Variants in H6PD observed in about 807,000 individuals in gnomAD.
H6PD encodes the protein GDH/6PGL endoplasmic bifunctional protein.
In H6PD, 48 loss-of-function variants were observed where a neutral mutation model predicts 61.2. The observed-to-expected ratio is 0.78, with a 90% CI of 0.62 to 1.00. H6PD has a LOEUF of 1.00. Among genes scored for constraint, H6PD ranks in the 50% least tolerant of loss-of-function variants. The pLI, the probability that H6PD is intolerant of heterozygous loss-of-function variation, is 0.00. For synonymous variants in H6PD, 480 were observed against 457.9 expected (o/e 1.05, Z -0.62); for missense variants, 1,093 against 1,065.0 (o/e 1.03, Z -0.37).
Position 9,264,513 on chromosome 1 carries a change from G to A in H6PD, c.2020G>A (p.Ala674Thr), listed in dbSNP as rs1384664557. ...GGAGGACCAGGGCGCCCAGATCTAT[G>A]CCAGGGAGATCTCAGCCCTGGTGGC... is the stretch of plus-strand genomic sequence containing the variant. ...AEEDQGAQIY[A>T]REISALVANS... Residue 674 changes from alanine to threonine, a missense_variant, in exon 5 of 5, where the codon GCC (alanine) becomes ACC (threonine). Transcript: ENST00000377403. 1.2e-5 allele frequency: 20 copies of A among 1,613,076 alleles called. No individual in the cohort carries two copies. The highest frequency in any genetic ancestry group is 2.2e-5 in the South Asian group (2 of 91,074).
rs200691050 is a variant in H6PD at position 9,264,101 on chromosome 1, G to A, written c.1608G>A (p.Pro536=). 259 of 1,613,862 alleles carry A rather than the reference G, an allele frequency of 1.6e-4. No individual in the cohort carries two copies. The Middle Eastern group carries it at 1.7e-3, about 10-fold the overall frequency. The change falls in exon 5 of 5, where the codon CCG becomes CCA. Residue 536 remains proline, a synonymous_variant. Coordinates refer to ENST00000377403, the MANE Select transcript of H6PD (RefSeq NM_004285.4). ...QPEQLVPGPG[P]APMPSDFQVL... is the part of the protein sequence containing the mutation. Reference sequence around the variant, plus strand: ...AGCAGCTGGTGCCAGGGCCAGGGCCGGCCCCAATGCCCAGTGACTTCCAGG... The same window carrying A: ...AGCAGCTGGTGCCAGGGCCAGGGCCAGCCCCAATGCCCAGTGACTTCCAGG...
rs535684348 is a variant in H6PD, at chr1:9,262,349, T to C, written c.1015+21T>C. On this transcript the variant is annotated intron_variant, in intron 4 of 4. Coordinates refer to ENST00000377403, the MANE Select transcript of H6PD (RefSeq NM_004285.4). Reference sequence around the variant, plus strand: ...CGCAGGTGGGCCCTGGGGCTGGGCATGGGGCACTGGGCTGCCCACTTCGCC... The same window carrying C: ...CGCAGGTGGGCCCTGGGGCTGGGCACGGGGCACTGGGCTGCCCACTTCGCC... The C allele has an allele frequency of 5.7e-6, 9 of 1,587,672 alleles. No individual in the cohort carries two copies. The East Asian group carries it at 1.8e-4, about 32-fold the overall frequency.
chr1:9,251,667 A>G (rs1477267014), intron 3 of H6PD, among the ~76,000 whole-genome samples: 1 of 152,020 alleles, frequency 6.6e-6, no homozygotes, highest in Non-Finnish European at 1.5e-5. Flanking sequence ...CTGGTGTGCC[A>G]GAAGGGGCCA....
rs962217880 is a variant in H6PD at position 9,270,879 on chromosome 1, G to C, written c.*6010G>C. Reference sequence around the variant, plus strand: ...TTTTCCAGAGAGGGGAACCCCACTGGTTTTTGTGGAAACAATGGAAACTTA... The same window carrying C: ...TTTTCCAGAGAGGGGAACCCCACTGCTTTTTGTGGAAACAATGGAAACTTA... On this transcript the variant is annotated 3_prime_UTR_variant, in exon 5 of 5. Coordinates refer to ENST00000377403, the MANE Select transcript of H6PD (RefSeq NM_004285.4). 6.6e-6 allele frequency: 1 copy of C among 151,930 alleles called. No individual in the cohort carries two copies. The highest frequency in any genetic ancestry group is 1.5e-5 in the Non-Finnish European group (1 of 68,022). 9.4% of individuals were successfully genotyped at this position (151,930 alleles called of 1,614,324 possible).
Position 9,245,541 on chromosome 1 carries a change from G to A in H6PD, c.607G>A (p.Asp203Asn), listed in dbSNP as rs1267430547. 7 of 1,614,078 alleles carry A rather than the reference G, an allele frequency of 4.3e-6. No individual in the cohort carries two copies. Among genetic ancestry groups the A allele is most frequent in the Non-Finnish European group, 5.9e-6 (7 of 1,180,044 alleles). Reference protein sequence around the residue: ...FFQEEEMYRVDHYLGKQAVAQ... With the variant: ...FFQEEEMYRVNHYLGKQAVAQ... ...CCAGGAGGAGGAGATGTACCGGGTG[G>A]ACCATTACTTAGGCAAGCAGGTGAG... Residue 203 changes from aspartate (D) to asparagine (N), a missense_variant, in exon 2 of 5, where the codon GAC becomes AAC. Physicochemically the swap from Asp to Asn is conservative, Grantham distance 23 (BLOSUM62 1). Transcript: ENST00000377403. This position sits in a 1 kb window ranked among gnomAD's most constrained non-coding sequence, Gnocchi z 4.8.
At chr1:9,263,453 G>A in intron 4 of H6PD, 56 bp from the exon 5 acceptor site, 1 of 1,566,486 alleles carries the variant, frequency 6.4e-7, no homozygotes, top group Non-Finnish European at 8.8e-7. Flanking sequence ...GAGAGGGCTG[G>A]CCGGAGAGTC....
intron 3 of H6PD, among the ~76,000 whole-genome samples, chr1:9,250,836 G>A (rs1307269280): frequency 1.3e-5 from 2 of 152,210 alleles, no homozygotes; most frequent in African/African-American, 2.4e-5. Flanking sequence ...CATCTAAGTG[G>A]GTGGAAGCCG....
intron 3 of H6PD, among the ~76,000 whole-genome samples, chr1:9,258,747 G>A (rs1465681415): frequency 4.0e-5 from 6 of 151,826 alleles, no homozygotes; most frequent in East Asian, 3.9e-4. Context: ...CTGTTACATC[G>A]GTGTTGTTAC....
rs201877167 is a variant in H6PD at position 9,245,380 on chromosome 1, A to G, written c.446A>G (p.Tyr149Cys). The change falls in exon 2 of 5, where the codon TAT becomes TGT. Residue 149 changes from tyrosine to cysteine, a missense_variant. By Grantham distance (194) the Tyr-to-Cys change is radical (BLOSUM62 -2). Coordinates refer to ENST00000377403, the MANE Select transcript of H6PD (RefSeq NM_004285.4). The surrounding 1 kb of genome is among the most constrained non-coding windows in gnomAD (Gnocchi z 4.8). ...IFYFSVPPFA[Y>C]EDIARNINSS... ...TACTTCTCAGTGCCACCCTTCGCCT[A>G]TGAAGACATTGCCCGCAACATCAAC... 5.0e-6 allele frequency: 8 copies of G among 1,614,126 alleles called. No homozygotes were observed. In the Admixed American group the frequency reaches 5.0e-5, roughly 10 times the overall value.
rs201196113 is a variant in H6PD, at chr1:9,245,580, C to G, written c.627+19C>G. 38 of 1,612,962 alleles carry G rather than the reference C, an allele frequency of 2.4e-5. No individual in the cohort carries two copies. Among genetic ancestry groups the G allele is most frequent in the Non-Finnish European group, 3.1e-5 (37 of 1,179,126 alleles). On this transcript the variant is annotated intron_variant, in intron 2 of 4. Transcript: ENST00000377403. The surrounding 1 kb of genome is among the most constrained non-coding windows in gnomAD (Gnocchi z 4.8). ...CAAGCAGGTGAGCATCAGCATGGAG[C>G]CTGCCAGGGCTAGGGTGAGCTGGGC...
At position 9,264,676 on chromosome 1, in the gene H6PD, G is replaced by T. The variant is rs370332134; in HGVS notation, c.2183G>T (p.Arg728Leu). The change falls in exon 5 of 5, where the codon CGC (arginine) becomes CTC (leucine). Residue 728 changes from arginine to leucine, a missense_variant. Transcript: ENST00000377403. ...LTTSPSQPHR[R>L]MSLSLPLINR... ...ACGAGCCCCTCCCAGCCACACCGCCGCATGAGCCTTAGCCTGCCTCTCATC... is the reference window on the plus strand; with the variant it reads ...ACGAGCCCCTCCCAGCCACACCGCCTCATGAGCCTTAGCCTGCCTCTCATC... The T allele has an allele frequency of 1.9e-5, 31 of 1,613,142 alleles. No individual in the cohort carries two copies. The highest frequency in any genetic ancestry group is 2.6e-5 in the Non-Finnish European group (31 of 1,179,992).
chr1:9,261,753 A>G (rs954635185), intron 3 of H6PD, among the ~76,000 whole-genome samples: 1 of 152,262 alleles, frequency 6.6e-6, no homozygotes, highest in Non-Finnish European at 1.5e-5. Context: ...GGGGCTGGCC[A>G]GTATCTACAG....
rs1638725746 is a variant in H6PD at position 9,270,863 on chromosome 1, G to A, written c.*5994G>A. 6.6e-6 allele frequency: 1 copy of A among 152,192 alleles called. No individual in the cohort carries two copies. Among genetic ancestry groups the A allele is most frequent in the African/African-American group, 2.4e-5 (1 of 41,416 alleles). 9.4% of individuals were successfully genotyped at this position (152,192 alleles called of 1,614,324 possible). A position where few individuals can be genotyped will look rare whatever the true frequency, so the allele number is the denominator to read the frequency against. On this transcript the variant is annotated 3_prime_UTR_variant, in exon 5 of 5. Transcript: ENST00000377403. ...AAGAATGTTCGTGCTTTTTTCCAGAGAGGGGAACCCCACTGGTTTTTGTGG... is the reference window on the plus strand; with the variant it reads ...AAGAATGTTCGTGCTTTTTTCCAGAAAGGGGAACCCCACTGGTTTTTGTGG...
chr1:9,256,337 T>G (rs1333811530), intron 3 of H6PD, among the ~76,000 whole-genome samples: 1 of 152,172 alleles, frequency 6.6e-6, no homozygotes, highest in African/African-American at 2.4e-5. Flanking sequence ...TTTCAAGGTT[T>G]AGTATCCCTG....
At chr1:9,240,199 T>C (rs1022217823) in intron 1 of H6PD, among the ~76,000 whole-genome samples, 1 of 152,106 alleles carries the variant, frequency 6.6e-6, no homozygotes, top group Non-Finnish European at 1.5e-5. Flanking sequence ...TCGTAGTGAG[T>C]GTATTTCTGG....
intron 1 of H6PD, chr1:9,242,642 G>C: frequency 1.0e-6 from 1 of 985,486 alleles, no homozygotes; most frequent in Non-Finnish European, 1.2e-6. Flanking sequence ...AGTCTTCTGG[G>C]GTGGGGGCAG....
chr1:9,249,074 C>T (rs1483676371), intron 3 of H6PD, among the ~76,000 whole-genome samples: 3 of 152,226 alleles, frequency 2.0e-5, no homozygotes, highest in Admixed American at 2.0e-4. Context: ...CCTTCTCTAC[C>T]TGGACTTGGC....
chr1:9,258,453 GTGTTA>G (rs997081622), intron 3 of H6PD, among the ~76,000 whole-genome samples: 3 of 152,258 alleles, frequency 2.0e-5, no homozygotes, highest in Non-Finnish European at 4.4e-5. Context: ...TGTTACACCA[GTGTTA>G]TGTTGTTGTT....
Position 9,245,517 on chromosome 1 carries a change from CAGG to C in H6PD, c.592_594del (p.Glu198del), listed in dbSNP as rs758114149. On this transcript the variant is annotated inframe_deletion, in exon 2 of 5. Coordinates refer to ENST00000377403, the MANE Select transcript of H6PD (RefSeq NM_004285.4). The surrounding 1 kb of genome is among the most constrained non-coding windows in gnomAD (Gnocchi z 4.8). ...GGCCACAGAACTCGGGACCTTTTTCCAGGAGGAGGAGATGTACCGGGTGGACCA... is the reference window on the plus strand; with the variant it reads ...GGCCACAGAACTCGGGACCTTTTTCCAGGAGGAGATGTACCGGGTGGACCA... The C allele has an allele frequency of 2.5e-5, 41 of 1,614,054 alleles. No individual in the cohort carries two copies. The East Asian group carries it at 8.9e-4, about 35-fold the overall frequency.
Sources: allele counts gnomAD v4.1 joint callset (sites outside exome capture counted in the v4.1 genomes callset), GRCh38; gene constraint gnomAD v4.1.1; non-coding constraint Gnocchi (gnomAD v3.1); transcripts MANE v1.5; gene names NCBI Gene and HGNC (gene_info 2026-07-23, HGNC 2026-07-21).